KLHL17: variants seen among roughly 807,000 people sequenced by gnomAD.
KLHL17 encodes the protein kelch-like protein 17.
In KLHL17, 71 loss-of-function variants were observed where a neutral mutation model predicts 64.6. The ratio of observed to expected loss-of-function variants is 1.10; its 90% CI spans 0.91 to 1.34. The LOEUF is 1.34. KLHL17 is among the 40% of genes most tolerant of loss of function. KLHL17 has a pLI of 0.00. For missense variants in KLHL17, 1,140 were observed against 935.0 expected (o/e 1.22, Z -2.86); for synonymous variants, 612 against 405.4 (o/e 1.51, Z -6.12).
chr1:965,148 C>T lies in KLHL17; in HGVS notation c.1886C>T (p.Pro629Leu), dbSNP rs150067459. The change falls in exon 12 of 12, where the codon CCG becomes CTG. Residue 629 changes from proline (P) to leucine (L), a missense_variant. Pro to Leu is a moderately conservative substitution (Grantham distance 98). Transcript: ENST00000338591. ...VAVLELLNFP[P>L]PSSPTLSVSS... Reference sequence around the variant, plus strand: ...GTGCTGGAGCTGCTCAATTTCCCGCCGCCATCCTCCCCGACGCTGTCCGTG... The same window carrying T: ...GTGCTGGAGCTGCTCAATTTCCCGCTGCCATCCTCCCCGACGCTGTCCGTG... 6.5e-5 allele frequency: 105 copies of T among 1,612,460 alleles called. No homozygotes were observed. Among genetic ancestry groups the T allele is most frequent in the Non-Finnish European group, 8.6e-5 (101 of 1,179,880 alleles).
At chr1:962,206 G>A (rs1020271774) in intron 4 of KLHL17, 149 bp from the exon 5 acceptor site, 2 of 1,367,056 alleles carry the variant, frequency 1.5e-6, no homozygotes, top group Non-Finnish European at 2.0e-6. Context: ...CCCCCCAGGA[G>A]CCTCGTCTGT....
chr1:964,321 T>C, intron 10 of KLHL17, 28 bp from the exon 11 acceptor site: 1 of 1,549,576 alleles, frequency 6.5e-7, no homozygotes, highest in Middle Eastern at 2.1e-4. Flanking sequence ...GTGGCGGGTC[T>C]GCGTCCAGCC....
chr1:961,437 C>T lies in KLHL17; in HGVS notation c.252C>T (p.Arg84=), dbSNP rs749435546. ...HYHDAFVAMS[R]MRQRGLLCDI... ...ACGATGCCTTCGTGGCCATGAGCCG[C>T]ATGCGCCAGCGCGGCCTCCTGTGCG... Residue 84 remains arginine (R), a synonymous_variant, in exon 2 of 12, where the codon CGC becomes CGT. Coordinates refer to ENST00000338591, the MANE Select transcript of KLHL17 (RefSeq NM_198317.3). 15 of 1,612,056 alleles carry T rather than the reference C, an allele frequency of 9.3e-6. No individual in the cohort carries two copies. In the East Asian group the frequency reaches 1.8e-4, roughly 19 times the overall value.
Position 961,404 on chromosome 1 carries a change from G to A in KLHL17, c.219G>A (p.Arg73=), listed in dbSNP as rs1642639633. The A allele has an allele frequency of 1.9e-6, 3 of 1,610,592 alleles. No individual in the cohort carries two copies. Among genetic ancestry groups the A allele is most frequent in the Non-Finnish European group, 2.5e-6 (3 of 1,179,288 alleles). ...ACAGCGTGGCCCACAACTCCAAGCGGCACTACCACGATGCCTTCGTGGCCA... is the reference window on the plus strand; with the variant it reads ...ACAGCGTGGCCCACAACTCCAAGCGACACTACCACGATGCCTTCGTGGCCA... ...EGHSVAHNSK[R]HYHDAFVAMS... Residue 73 remains arginine, a synonymous_variant, in exon 2 of 12, where the codon CGG becomes CGA. Transcript: ENST00000338591.
At chr1:962,946 C>T (rs1466476732) in intron 6 of KLHL17, 29 bp downstream of exon 6, 4 of 1,528,610 alleles carry the variant, frequency 2.6e-6, no homozygotes, top group Admixed American at 1.9e-5. Flanking sequence ...TTCCCTCTTG[C>T]CCTGTGCCTT....
intron 8 of KLHL17, 22 bp downstream of exon 8, chr1:963,526 G>C: frequency 6.3e-7 from 1 of 1,595,800 alleles, no homozygotes; most frequent in East Asian, 2.2e-5. Context: ...TGGGGCCCCA[G>C]TGGCTTTGTA....
chr1:963,708 G>T (rs1642761599), intron 8 of KLHL17: 2 of 821,192 alleles, frequency 2.4e-6, no homozygotes, highest in Non-Finnish European at 3.8e-6. Flanking sequence ...CTTACCCCCA[G>T]TCCAGAGGCT....
chr1:965,381 C>T lies in KLHL17; in HGVS notation c.*190C>T, dbSNP rs1018226548. 8.2e-6 allele frequency: 5 copies of T among 611,738 alleles called. No homozygotes were observed. In the African/African-American group the frequency reaches 9.3e-5, roughly 11 times the overall value. 37.9% of individuals were successfully genotyped at this position (611,738 alleles called of 1,614,324 possible). A position where few individuals can be genotyped will look rare whatever the true frequency, so the allele number is the denominator to read the frequency against. On this transcript the variant is annotated 3_prime_UTR_variant, in exon 12 of 12. Transcript: ENST00000338591. ...GGAGTGCCACGGCTGCCCGTTTACA[C>T]CTTTAGCGTCTGGTCCTCCTGCGTG...
At position 962,726 on chromosome 1, in the gene KLHL17, C is replaced by T. The variant is rs1011849633; in HGVS notation, c.851C>T (p.Pro284Leu). 1.9e-6 allele frequency: 3 copies of T among 1,606,980 alleles called. No individual in the cohort carries two copies. Among genetic ancestry groups the T allele is most frequent in the Non-Finnish European group, 1.7e-6 (2 of 1,178,462 alleles). ...VPRLMKCVRLPLLSRDFLLGH... is the reference protein window; with the variant it reads ...VPRLMKCVRLLLLSRDFLLGH... Reference sequence around the variant, plus strand: ...CAGCTCATGAAGTGTGTGCGGCTGCCCTTGCTGAGCCGCGACTTCCTGCTG... The same window carrying T: ...CAGCTCATGAAGTGTGTGCGGCTGCTCTTGCTGAGCCGCGACTTCCTGCTG... Residue 284 changes from proline (P) to leucine (L), a missense_variant, in exon 6 of 12, where the codon CCC (proline) becomes CTC (leucine). Coordinates refer to ENST00000338591, the MANE Select transcript of KLHL17 (RefSeq NM_198317.3).
chr1:960,661 C>T lies in KLHL17; in HGVS notation c.-33C>T. 1 of 1,353,958 alleles carries T rather than the reference C, an allele frequency of 7.4e-7. No individual in the cohort carries two copies. Among genetic ancestry groups the T allele is most frequent in the Non-Finnish European group, 9.5e-7 (1 of 1,047,790 alleles). The allele number at this position is 1,353,958 out of a possible 1,614,324, so 83.9% of individuals were successfully genotyped here. On this transcript the variant is annotated 5_prime_UTR_variant, in exon 1 of 12. Coordinates refer to ENST00000338591, the MANE Select transcript of KLHL17 (RefSeq NM_198317.3). ...CTCCGCGTCCGTTAAGCCCGCGGGTCCTCCGCGAATCGGCGGTGGGTCCGG... is the reference window on the plus strand; with the variant it reads ...CTCCGCGTCCGTTAAGCCCGCGGGTTCTCCGCGAATCGGCGGTGGGTCCGG...
rs1394827681 is a variant in KLHL17, at chr1:964,144, C to T, written c.1482C>T (p.Ser494=). The T allele has an allele frequency of 1.9e-6, 3 of 1,612,730 alleles. No individual in the cohort carries two copies. Among genetic ancestry groups the T allele is most frequent in the Non-Finnish European group, 1.7e-6 (2 of 1,179,928 alleles). The change falls in exon 10 of 12, where the codon TCC becomes TCT. Residue 494 remains serine, a synonymous_variant. Coordinates refer to ENST00000338591, the MANE Select transcript of KLHL17 (RefSeq NM_198317.3). ...ATGCTGTGGGCGGCTACGACAGCTC[C>T]TCACACCTGGCCACTGTGGAGAAGT... is the stretch of plus-strand genomic sequence containing the variant. ...NLYAVGGYDS[S]SHLATVEKYE... is the part of the protein sequence containing the mutation.
At chr1:962,196 C>A (rs373943055) in intron 4 of KLHL17, 149 bp downstream of exon 4, 2 of 1,293,230 alleles carry the variant, frequency 1.5e-6, no homozygotes, top group Non-Finnish European at 1.1e-6. Context: ...TGGATCTGGG[C>A]CCCCCAGGAG....
intron 5 of KLHL17, 106 bp from the exon 6 acceptor site, chr1:962,598 G>A (rs777502657): frequency 5.1e-5 from 78 of 1,520,878 alleles, no homozygotes; most frequent in African/African-American, 2.3e-4. Context: ...CCTGTCTGAA[G>A]AAGAATCCAT....
Position 961,983 on chromosome 1 carries a change from A to G in KLHL17, c.647A>G (p.Tyr216Cys). The G allele has an allele frequency of 6.2e-7, 1 of 1,612,952 alleles. No homozygotes were observed. Among genetic ancestry groups the G allele is most frequent in the Non-Finnish European group, 8.5e-7 (1 of 1,180,028 alleles). The change falls in exon 4 of 12, where the codon TAC becomes TGC. Residue 216 changes from tyrosine (Y) to cysteine (C), a missense_variant. Coordinates refer to ENST00000338591, the MANE Select transcript of KLHL17 (RefSeq NM_198317.3). Reference sequence around the variant, plus strand: ...GACCTGCTCAAGGCCGCCCACAGGTACGTGCTGCAGCACTTCGTGGACGTG... The same window carrying G: ...GACCTGCTCAAGGCCGCCCACAGGTGCGTGCTGCAGCACTTCGTGGACGTG... ...CSDLLKAAHRYVLQHFVDVAK... is the reference protein window; with the variant it reads ...CSDLLKAAHRCVLQHFVDVAK...
At chr1:960,987 C>T (rs1264716865) in intron 1 of KLHL17, 187 bp downstream of exon 1, 5 of 298,528 alleles carry the variant, frequency 1.7e-5, no homozygotes, top group African/African-American at 4.6e-5. Flanking sequence ...GACGCGACTC[C>T]CGCTGCGGTC....
chr1:963,024 C>A, intron 6 of KLHL17, 85 bp from the exon 7 acceptor site: 1 of 1,549,698 alleles, frequency 6.5e-7, no homozygotes, highest in Non-Finnish European at 8.8e-7. Context: ...CTCCGCCCCT[C>A]CATTCAGGGG....
At chr1:960,823 G>C in intron 1 of KLHL17, 23 bp downstream of exon 1, 2 of 992,894 alleles carry the variant, frequency 2.0e-6, no homozygotes, top group Non-Finnish European at 2.4e-6. Context: ...GGGTCGGGGC[G>C]CGGGGGGCGG....
Position 961,412 on chromosome 1 carries a change from A to G in KLHL17, c.227A>G (p.His76Arg), listed in dbSNP as rs945942996. 2.9e-5 allele frequency: 47 copies of G among 1,611,230 alleles called. No homozygotes were observed. Among genetic ancestry groups the G allele is most frequent in the Non-Finnish European group, 4.0e-5 (47 of 1,179,530 alleles). The change falls in exon 2 of 12, where the codon CAC becomes CGC. Residue 76 changes from histidine (H) to arginine (R), a missense_variant. His to Arg is a conservative substitution (Grantham distance 29, BLOSUM62 0). Coordinates refer to ENST00000338591, the MANE Select transcript of KLHL17 (RefSeq NM_198317.3). ...SVAHNSKRHYHDAFVAMSRMR... is the reference protein window; with the variant it reads ...SVAHNSKRHYRDAFVAMSRMR... ...GCCCACAACTCCAAGCGGCACTACCACGATGCCTTCGTGGCCATGAGCCGC... is the reference window on the plus strand; with the variant it reads ...GCCCACAACTCCAAGCGGCACTACCGCGATGCCTTCGTGGCCATGAGCCGC...
rs148507945 is a variant in KLHL17, at chr1:963,382, C to T, written c.1233C>T (p.Pro411=). 2.3e-5 allele frequency: 37 copies of T among 1,612,434 alleles called. 1 individual carries two copies. The highest frequency in any genetic ancestry group is 2.2e-4 in the South Asian group (20 of 91,058). The part of the protein sequence containing the change: ...SDLATVESYD[P]VTNTWQPEVS... Reference sequence around the variant, plus strand: ...TGGCTACCGTGGAGTCCTACGACCCCGTGACTAACACGTGGCAGCCGGAGG... The same window carrying T: ...TGGCTACCGTGGAGTCCTACGACCCTGTGACTAACACGTGGCAGCCGGAGG... Residue 411 remains proline (P), a synonymous_variant, in exon 8 of 12, where the codon CCC becomes CCT. Transcript: ENST00000338591.
Sources: allele counts gnomAD v4.1 joint callset, GRCh38; gene constraint gnomAD v4.1.1; transcripts MANE v1.5; gene names NCBI Gene and HGNC (gene_info 2026-07-23, HGNC 2026-07-21).